The following LHPP variants were observed in gnomAD, a reference collection of about 807,000 sequenced individuals.
LHPP encodes phospholysine phosphohistidine inorganic pyrophosphate phosphatase, also known as hLHPP.
In LHPP, 24 loss-of-function variants were observed where a neutral mutation model predicts 30.3. That is an observed-to-expected ratio of 0.79 (90% CI 0.57 to 1.11). LHPP has a LOEUF of 1.11. LHPP is among the 50% of genes most tolerant of loss of function. The probability of loss-of-function intolerance (pLI) is 0.00; values close to 1 mark genes in which losing one functional copy is unlikely to be tolerated. For missense variants in LHPP, 356 were observed against 367.2 expected (o/e 0.97, Z 0.25); for synonymous variants, 150 against 157.1 (o/e 0.95, Z 0.34).
At chr10:124,583,175 C>T (rs1564841448) in intron 6 of LHPP, among the ~76,000 whole-genome samples, 1 of 152,102 alleles carries the variant, frequency 6.6e-6, no homozygotes, top group Non-Finnish European at 1.5e-5. Flanking sequence ...TTTATTTTCT[C>T]TTGTTGCTTA....
intron 6 of LHPP, among the ~76,000 whole-genome samples, chr10:124,537,599 G>A (rs563451773): frequency 3.9e-5 from 6 of 152,222 alleles, no homozygotes; most frequent in East Asian, 1.9e-4. Flanking sequence ...TCTGCGGACC[G>A]TGCTCGTGAG....
In LHPP at chr10:124,510,423, C is replaced by A. The variant is rs1211721902; in HGVS notation, c.625-6757C>A. Reference sequence around the variant, plus strand: ...GCCCTGGCGTCCCGGCCCCCAGCCTCCGCCTCCCTCGCCGACAGCTTCCCG... The same window carrying A: ...GCCCTGGCGTCCCGGCCCCCAGCCTACGCCTCCCTCGCCGACAGCTTCCCG... On this transcript the variant is annotated intron_variant, in intron 5 of 6. Transcript: ENST00000368842. The surrounding 1 kb of genome is among the most constrained non-coding windows in gnomAD (Gnocchi z 4.0). 2.0e-5 allele frequency among the ~76,000 whole-genome samples: 3 copies of A among 152,126 alleles called. No individual in the cohort carries two copies. Among genetic ancestry groups the A allele is most frequent in the Non-Finnish European group, 4.4e-5 (3 of 68,006 alleles).
intron 1 of LHPP, among the ~76,000 whole-genome samples, chr10:124,483,696 G>T (rs1042904092): frequency 5.3e-5 from 8 of 152,158 alleles, no homozygotes; most frequent in African/African-American, 1.9e-4. Flanking sequence ...GGCGGAGGTT[G>T]CAGTGAGCTG....
chr10:124,499,346 T>C (rs1230211557), intron 5 of LHPP, among the ~76,000 whole-genome samples: 1 of 151,698 alleles, frequency 6.6e-6, no homozygotes, highest in African/African-American at 2.4e-5. Context: ...TCTGAAAGAT[T>C]GTAAGGAATA....
Position 124,592,632 on chromosome 10 carries a change from G to A in LHPP, c.717-20632G>A, listed in dbSNP as rs1429770759. 3.3e-5 allele frequency among the ~76,000 whole-genome samples: 5 copies of A among 152,208 alleles called. No individual in the cohort carries two copies. Among genetic ancestry groups the A allele is most frequent in the Non-Finnish European group, 5.9e-5 (4 of 68,026 alleles). On this transcript the variant is annotated intron_variant, in intron 6 of 6. Transcript: ENST00000368842. This position sits in a 1 kb window ranked among gnomAD's most constrained non-coding sequence, Gnocchi z 6.2. ...CATGCCCATGGCTGGTGCCCAGGAG[G>A]TGGGAGCTGTGGAGCTGCCTCCAGG... is the stretch of plus-strand genomic sequence containing the variant.
Position 124,576,878 on chromosome 10 carries a change from A to G in LHPP, c.717-36386A>G, listed in dbSNP as rs1250099172. ...TGGGTGGGCTGCTGAGCACCCGACC[A>G]CAGCCAGGCCTCCATGTGCCACTGT... On this transcript the variant is annotated intron_variant, in intron 6 of 6. Transcript: ENST00000368842. This position sits in a 1 kb window ranked among gnomAD's most constrained non-coding sequence, Gnocchi z 4.2. 6.6e-6 allele frequency among the ~76,000 whole-genome samples: 1 copy of G among 152,094 alleles called. No individual in the cohort carries two copies. The highest frequency in any genetic ancestry group is 2.4e-5 in the African/African-American group (1 of 41,392).
chr10:124,508,701 AG>A (rs1954225360), intron 5 of LHPP, among the ~76,000 whole-genome samples: 1 of 152,130 alleles, frequency 6.6e-6, no homozygotes, highest in South Asian at 2.1e-4. Context: ...AATTCAGGAA[AG>A]TACAAGAAGA....
chr10:124,599,114 C>CCCAT (rs1564847419), intron 6 of LHPP, among the ~76,000 whole-genome samples: 2 of 151,930 alleles, frequency 1.3e-5, no homozygotes, highest in Admixed American at 6.6e-5. Context: ...TCTGTCCATT[C>CCCAT]CCATCCATCC....
At chr10:124,612,691 A>C (rs1398728903) in intron 6 of LHPP, 1 of 154,320 alleles carries the variant, frequency 6.5e-6, no homozygotes, top group East Asian at 1.9e-4. Flanking sequence ...TCCCAGCCAG[A>C]GGGCAGTTTA....
At chr10:124,571,001 G>T (rs1270824436) in intron 6 of LHPP, among the ~76,000 whole-genome samples, 1 of 152,134 alleles carries the variant, frequency 6.6e-6, no homozygotes, top group East Asian at 1.9e-4. Flanking sequence ...TTCTGTTCTG[G>T]TGATAGTGAA....
intron 6 of LHPP, among the ~76,000 whole-genome samples, chr10:124,550,125 C>A (rs1422448393): frequency 6.6e-6 from 1 of 152,248 alleles, no homozygotes; most frequent in African/African-American, 2.4e-5. Context: ...GGACTTCTCT[C>A]CTTTGCGTGC....
intron 6 of LHPP, among the ~76,000 whole-genome samples, chr10:124,531,841 C>A (rs1954908610): frequency 6.6e-6 from 1 of 152,218 alleles, no homozygotes; most frequent in Admixed American, 6.5e-5. Context: ...GTCCCACTTT[C>A]ATCTGCCAGT....
chr10:124,528,778 G>A (rs17151971), intron 6 of LHPP, among the ~76,000 whole-genome samples: 79,104 of 151,498 alleles, frequency 0.52, 21,280 homozygotes, highest in South Asian at 0.68. Flanking sequence ...ATGGCCAGGC[G>A]CTGTTGAGGA....
intron 5 of LHPP, among the ~76,000 whole-genome samples, chr10:124,511,419 G>C (rs1452482182): frequency 6.6e-6 from 1 of 152,236 alleles, no homozygotes; most frequent in African/African-American, 2.4e-5. Context: ...GGAAAGATCA[G>C]AGAAAATCCG....
In LHPP at chr10:124,595,748, A is replaced by G. The variant is rs371469640; in HGVS notation, c.717-17516A>G. Among the ~76,000 whole-genome samples the G allele has an allele frequency of 4.8e-4, 73 of 152,304 alleles. 1 individual carries two copies. In the South Asian group the frequency reaches 0.015, roughly 30 times the overall value. ...CTTCCTCTGCATCTGTCCCAGTACA[A>G]ATATCACTGTGTGCCCTTCTAGGCT... On this transcript the variant is annotated intron_variant, in intron 6 of 6. Coordinates refer to ENST00000368842, the MANE Select transcript of LHPP (RefSeq NM_022126.4).
intron 3 of LHPP, among the ~76,000 whole-genome samples, chr10:124,493,193 T>G (rs4962635): frequency 0.83 from 126,192 of 152,006 alleles, 52,630 homozygotes; most frequent in East Asian, 0.92. Context: ...ACAAGGGTTT[T>G]TTTAAAGTAG....
intron 6 of LHPP, among the ~76,000 whole-genome samples, chr10:124,603,219 G>A (rs1392966241): frequency 6.6e-6 from 1 of 152,190 alleles, no homozygotes; most frequent in Admixed American, 6.5e-5. Flanking sequence ...TGGGAGGAAG[G>A]CGGGCACGGG....
intron 6 of LHPP, among the ~76,000 whole-genome samples, chr10:124,556,055 A>G (rs1948293389): frequency 6.6e-6 from 1 of 152,182 alleles, no homozygotes; most frequent in Non-Finnish European, 1.5e-5. Context: ...TGCAAAGGCC[A>G]CAGTTATGAG....
At position 124,524,165 on chromosome 10, in the gene LHPP, A is replaced by G. The variant is rs867634973; in HGVS notation, c.716+6894A>G. 1.7e-4 allele frequency among the ~76,000 whole-genome samples: 26 copies of G among 152,196 alleles called. 1 individual carries two copies. The highest frequency in any genetic ancestry group is 3.4e-3 in the Middle Eastern group (1 of 294). On this transcript the variant is annotated intron_variant, in intron 6 of 6. Coordinates refer to ENST00000368842, the MANE Select transcript of LHPP (RefSeq NM_022126.4). ...AATTTTATAACATTTCATCACCCCA[A>G]AAAGAAGCCTCAAATCGTTTAGCTA...
Sources: allele counts gnomAD v4.1 joint callset (sites outside exome capture counted in the v4.1 genomes callset), GRCh38; gene constraint gnomAD v4.1.1; non-coding constraint Gnocchi (gnomAD v3.1); transcripts MANE v1.5; gene names NCBI Gene and HGNC (gene_info 2026-07-23, HGNC 2026-07-21).